The following KDR variants were observed in gnomAD, a reference collection of about 807,000 sequenced individuals.
KDR encodes vascular endothelial growth factor receptor 2.
A neutral mutation model predicts 160.9 loss-of-function variants in KDR; 43 were observed. The ratio of observed to expected loss-of-function variants is 0.27; its 90% confidence interval spans 0.21 to 0.34. KDR has a LOEUF of 0.34. Among genes scored for constraint, KDR ranks in the 10% least tolerant of loss-of-function variants. The pLI is 1.00. For synonymous variants in KDR, 617 were observed against 600.1 expected, an observed-to-expected ratio of 1.03 and a Z score of -0.41; for missense variants, 1,469 against 1,666.4, an observed-to-expected ratio of 0.88 and a Z score of 2.06.
Position 55,082,022 on chromosome 4 carries a change from C to T in KDR, c.3782G>A (p.Gly1261Asp), listed in dbSNP as rs1719746546. The T allele has an allele frequency of 6.2e-7, 1 of 1,613,464 alleles. No homozygotes were observed. Among genetic ancestry groups the T allele is most frequent in the Admixed American group, 1.7e-5 (1 of 60,030 alleles). ...CAGCTCTTCTGAGGCAAGAACCATA[C>T]CACTGTCCGTCTGGTTGTCCTTTTT... ...VIPDDNQTDS[G>D]MVLASEELKT... The change falls in exon 29 of 30, where the codon GGT becomes GAT. Residue 1261 changes from glycine (G) to aspartate (D), a missense_variant. Around this residue, in one of 7 missense-constraint regions of KDR, gnomAD observed 229 missense variants for 197.8 expected, o/e 1.16. Transcript: ENST00000263923.
chr4:55,099,647 A>G (rs939881476), intron 15 of KDR, among the ~76,000 whole-genome samples: 3 of 152,240 alleles, frequency 2.0e-5, no homozygotes, highest in Admixed American at 6.5e-5. Context: ...ACTAATGACC[A>G]TGTATCTACT....
chr4:55,094,546 G>A (rs954197576), intron 21 of KDR, among the ~76,000 whole-genome samples: 3 of 152,178 alleles, frequency 2.0e-5, no homozygotes, highest in African/African-American at 7.2e-5. Flanking sequence ...ACACTGCTGT[G>A]GTTGTAGCCG....
chr4:55,100,216 G>A (rs1578132924), intron 15 of KDR, among the ~76,000 whole-genome samples: 2 of 152,046 alleles, frequency 1.3e-5, no homozygotes, highest in Non-Finnish European at 1.5e-5. Flanking sequence ...GTAACAAATT[G>A]GTTTGCAAAA....
At chr4:55,106,934 A>T in intron 10 of KDR, 124 bp from the exon 11 acceptor site, 2 of 845,174 alleles carry the variant, frequency 2.4e-6, no homozygotes, top group Non-Finnish European at 4.0e-6. Context: ...GCAGCCTACC[A>T]TGGTACAAGA....
intron 20 of KDR, 125 bp from the exon 21 acceptor site, chr4:55,095,080 C>A: frequency 1.1e-6 from 1 of 944,228 alleles, no homozygotes; most frequent in South Asian, 1.5e-5. Flanking sequence ...ACAAGGAGGA[C>A]ATCAATTTCA....
chr4:55,090,070 G>A lies in KDR; in HGVS notation c.3078C>T (p.His1026=), dbSNP rs2110011823. The A allele has an allele frequency of 6.2e-7, 1 of 1,614,034 alleles. No homozygotes were observed. ...MEFLASRKCI[H]RDLAARNILL... ...GGATATTTCGTGCCGCCAGGTCCCT[G>A]TGGATACACTGCAAAGAGAATCATG... Residue 1026 remains histidine, a synonymous_variant, in exon 23 of 30, where the codon CAC becomes CAT. Coordinates refer to ENST00000263923, the MANE Select transcript of KDR (RefSeq NM_002253.4).
rs137873945 is a variant in KDR at position 55,087,732 on chromosome 4, C to A, written c.3537G>T (p.Pro1179=). ...CTTCCATGCTCAAAGTCTCTGATAT[C>A]GGAAGAACAATGTAGTCTTTGCCAT... ...QQDGKDYIVL[P]ISETLSMEED... The change falls in exon 27 of 30, where the codon CCG becomes CCT. Residue 1179 remains proline, a synonymous_variant. Coordinates refer to ENST00000263923, the MANE Select transcript of KDR (RefSeq NM_002253.4). 1.2e-6 allele frequency: 2 copies of A among 1,613,942 alleles called. No homozygotes were observed. Among genetic ancestry groups the A allele is most frequent in the Non-Finnish European group, 1.7e-6 (2 of 1,179,964 alleles).
At position 55,101,845 on chromosome 4, in the gene KDR, T is replaced by A. The variant is rs1262829351; in HGVS notation, c.2266+52A>T. ...ACATGATCAGATTCCTTTTTACGGC[T>A]GCATAGCATTCCATGGTGTATATGT... On this transcript the variant is annotated intron_variant, in intron 15 of 29. Coordinates refer to ENST00000263923, the MANE Select transcript of KDR (RefSeq NM_002253.4). The A allele has an allele frequency of 2.0e-6, 3 of 1,468,352 alleles. No homozygotes were observed. In the East Asian group the frequency reaches 6.8e-5, roughly 33 times the overall value. 91.0% of individuals were successfully genotyped at this position (1,468,352 alleles called of 1,614,324 possible).
At chr4:55,095,074 G>T in intron 20 of KDR, 119 bp from the exon 21 acceptor site, 2 of 985,444 alleles carry the variant, frequency 2.0e-6, no homozygotes, top group Non-Finnish European at 3.1e-6. Flanking sequence ...AAGCAGACAA[G>T]GAGGACATCA....
At chr4:55,105,075 A>T (rs1251568933) in intron 12 of KDR, 91 bp from the exon 13 acceptor site, 38 of 1,041,686 alleles carry the variant, frequency 3.6e-5, no homozygotes, top group Non-Finnish European at 5.1e-5. Context: ...ACAAAGTACC[A>T]AAAGAAATGA....
rs907027972 is a variant in KDR at position 55,112,959 on chromosome 4, A to G, written c.976+345T>C. Among the ~76,000 whole-genome samples the G allele has an allele frequency of 3.9e-5, 6 of 152,196 alleles. No homozygotes were observed. The East Asian group carries it at 1.2e-3, about 29-fold the overall frequency. On this transcript the variant is annotated intron_variant, in intron 7 of 29. Coordinates refer to ENST00000263923, the MANE Select transcript of KDR (RefSeq NM_002253.4). ...TCCCCAGTTTGCAAAGCTCATGCTT[A>G]TTCAAGTAGGCCTCTCAGCCTTGCA... is the stretch of plus-strand genomic sequence containing the variant.
In KDR at chr4:55,095,574, T is replaced by C; in HGVS notation, c.2817+3A>G. 1 of 1,601,362 alleles carries C rather than the reference T, an allele frequency of 6.2e-7. No individual in the cohort carries two copies. Among genetic ancestry groups the C allele is most frequent in the African/African-American group, 1.3e-5 (1 of 74,750 alleles). On this transcript the variant is annotated splice_donor_region_variant and intron_variant, in intron 20 of 29. Transcript: ENST00000263923. ...GCCAGAGCAGGATTAGGAGATGACA[T>C]ACCTTGTAGGGGACAAATTCATTTC...
At position 55,110,701 on chromosome 4, in the gene KDR, G is replaced by T; in HGVS notation, c.1044C>A (p.Val348=). The T allele has an allele frequency of 6.2e-7, 1 of 1,613,038 alleles. No individual in the cohort carries two copies. The highest frequency in any genetic ancestry group is 1.3e-5 in the African/African-American group (1 of 74,634). The change falls in exon 8 of 30, where the codon GTC becomes GTA. Residue 348 remains valine, a synonymous_variant. Coordinates refer to ENST00000263923, the MANE Select transcript of KDR (RefSeq NM_002253.4). The part of the protein sequence containing the change: ...SLVEATVGER[V]RIPAKYLGYP... The stretch of plus-strand genomic sequence containing the variant: ...AACCAAGGTACTTCGCAGGGATTCT[G>T]ACACGCTCCCCCACCGTGGCTTCCA...
rs776851465 is a variant in KDR, at chr4:55,110,785, A to AG, written c.977-18_977-17insC. ...AAGGTTTTTCTGGAAGAAAATAAAA[A>AG]AAAAAAAAGGTCAACTTACTGTAAA... On this transcript the variant is annotated splice_polypyrimidine_tract_variant and intron_variant, in intron 7 of 29. Transcript: ENST00000263923. The AG allele has an allele frequency of 5.0e-6, 8 of 1,584,620 alleles. No homozygotes were observed. In the Admixed American group the frequency reaches 8.5e-5, roughly 17 times the overall value.
intron 13 of KDR, among the ~76,000 whole-genome samples, chr4:55,103,940 G>T (rs1248795188): frequency 6.6e-6 from 1 of 152,176 alleles, no homozygotes; most frequent in East Asian, 1.9e-4. Flanking sequence ...CATGAGGTTA[G>T]ACAAGGGGTA....
intron 18 of KDR, among the ~76,000 whole-genome samples, chr4:55,096,963 G>A (rs1357002471): frequency 6.6e-6 from 1 of 152,076 alleles, no homozygotes; most frequent in Non-Finnish European, 1.5e-5. Flanking sequence ...TTGGCCACAA[G>A]AGAAAAAAGG....
intron 21 of KDR, 22 bp downstream of exon 21, chr4:55,094,780 T>C: frequency 6.2e-7 from 1 of 1,609,660 alleles, no homozygotes; most frequent in Non-Finnish European, 8.5e-7. Flanking sequence ...TGCCATAGCA[T>C]GCAGGAAGCA....
intron 29 of KDR, among the ~76,000 whole-genome samples, chr4:55,081,438 G>A (rs1719733853): frequency 6.6e-6 from 1 of 152,096 alleles, no homozygotes; most frequent in African/African-American, 2.4e-5. Flanking sequence ...TTCCTACTGA[G>A]CCATAGAAGG....
At chr4:55,103,359 C>T (rs1447064340) in intron 13 of KDR, among the ~76,000 whole-genome samples, 2 of 152,158 alleles carry the variant, frequency 1.3e-5, no homozygotes, top group South Asian at 2.1e-4. Context: ...ACCTCAACAG[C>T]GTACTACATT....
Sources: gnomAD v4.1 joint callset for allele counts (sites outside exome capture counted in the v4.1 genomes callset) on GRCh38, gnomAD v4.1.1 for gene constraint, gnomAD v4.1.1 regional missense constraint, MANE v1.5 for transcripts, NCBI Gene and HGNC (gene_info 2026-07-23, HGNC 2026-07-21) for gene names.